The following ARAP2 variants were observed in gnomAD, a reference collection of about 807,000 sequenced individuals.
ARAP2 encodes the protein arf-GAP with Rho-GAP domain, ANK repeat and PH domain-containing protein 2.
In ARAP2, 148 loss-of-function variants were observed where a neutral mutation model predicts 194.5. That is an observed-to-expected ratio of 0.76 (90% CI 0.67 to 0.87). The LOEUF (loss-of-function observed/expected upper bound fraction) is 0.87. ARAP2 is among the 40% of genes least tolerant of loss of function. ARAP2 has a pLI of 0.00. For missense variants in ARAP2, 2,128 were observed against 1,989.7 expected (o/e 1.07, Z -1.32); for synonymous variants, 695 against 683.5 (o/e 1.02, Z -0.26).
At chr4:36,178,031 C>T in intron 8 of ARAP2, 26 bp from the exon 9 acceptor site, 3 of 1,553,956 alleles carry the variant, frequency 1.9e-6, no homozygotes, top group Non-Finnish European at 2.6e-6. Context: ...GGAGAAAATA[C>T]ATAAATCCAC....
intron 8 of ARAP2, among the ~76,000 whole-genome samples, chr4:36,186,255 CATATT>C (rs1740539542): frequency 6.6e-6 from 1 of 152,108 alleles, no homozygotes; most frequent in African/African-American, 2.4e-5. Flanking sequence ...ATAGTAATGA[CATATT>C]ATGATAGTCA....
intron 7 of ARAP2, among the ~76,000 whole-genome samples, chr4:36,191,729 G>T: frequency 6.6e-6 from 1 of 152,104 alleles, no homozygotes; most frequent in Middle Eastern, 3.4e-3. Context: ...TAACACACAG[G>T]TATCTAGGGC....
chr4:36,145,200 A>G (rs1275506907), intron 19 of ARAP2, among the ~76,000 whole-genome samples: 2 of 151,944 alleles, frequency 1.3e-5, no homozygotes, highest in African/African-American at 4.8e-5. Flanking sequence ...GGAAAAAAAA[A>G]TGGTTCTACC....
Position 36,050,752 on chromosome 4 carries a change from C to G in ARAP2, n.369+1254G>C, listed in dbSNP as rs73806432. On this transcript the variant is annotated intron_variant and non_coding_transcript_variant, in intron 3 of 12. Coordinates refer to the ARAP2 transcript ENST00000503225. ...ACTTTCATACAACTGAGTACCCCCA[C>G]AAAGTACTTGTTTGTTCAAATCTTC... 6.3e-3 allele frequency among the ~76,000 whole-genome samples: 958 copies of G among 152,306 alleles called. 11 individuals are homozygous for G. Among genetic ancestry groups the G allele is most frequent in the African/African-American group, 0.022 (896 of 41,564 alleles).
In ARAP2 at chr4:36,128,709, T is replaced by A. The variant is rs1724604327; in HGVS notation, c.3464A>T (p.Asp1155Val). ...GCKYIYQKNG[D>V]PLHISELLES... ...CAGGAGTTCACTTATATGCAAAGGA[T>A]CACCATTCTTTTGATAGATATATTT... Residue 1155 changes from aspartate (D) to valine (V), a missense_variant, in exon 21 of 33, where the codon GAT (aspartate) becomes GTT (valine). Coordinates refer to ENST00000303965, the MANE Select transcript of ARAP2 (RefSeq NM_015230.4). The A allele has an allele frequency of 6.2e-7, 1 of 1,612,234 alleles. No individual in the cohort carries two copies. The highest frequency in any genetic ancestry group is 8.5e-7 in the Non-Finnish European group (1 of 1,179,124).
At chr4:36,098,398 C>T (rs540590272) in intron 27 of ARAP2, among the ~76,000 whole-genome samples, 7 of 152,084 alleles carry the variant, frequency 4.6e-5, no homozygotes, top group African/African-American at 1.7e-4. Context: ...CATGTCCTAC[C>T]TTTCTAATGG....
At chr4:36,194,054 A>G (rs1248466948) in intron 6 of ARAP2, among the ~76,000 whole-genome samples, 2 of 152,242 alleles carry the variant, frequency 1.3e-5, no homozygotes, top group Non-Finnish European at 2.9e-5. Context: ...TAGGGCATAA[A>G]TATCTTACTA....
chr4:36,148,354 C>G (rs374593338), intron 17 of ARAP2, 51 bp downstream of exon 17: 6 of 1,392,452 alleles, frequency 4.3e-6, no homozygotes, highest in South Asian at 1.2e-5. Context: ...ACACAGACTC[C>G]CAGTTCACAA....
intron 15 of ARAP2, among the ~76,000 whole-genome samples, chr4:36,153,555 G>A (rs556433356): frequency 1.3e-5 from 2 of 152,314 alleles, no homozygotes; most frequent in Admixed American, 6.5e-5. Context: ...TAGTGGATTG[G>A]CAAGAGGGAT....
In ARAP2 at chr4:36,066,093, T is replaced by C. The variant is rs769257822; in HGVS notation, c.*1814A>G. The C allele has an allele frequency of 2.6e-5, 4 of 152,196 alleles. No individual in the cohort carries two copies. The highest frequency in any genetic ancestry group is 4.8e-5 in the African/African-American group (2 of 41,448). The allele number at this position is 152,196 out of a possible 1,614,324, so 9.4% of individuals were successfully genotyped here. A position where few individuals can be genotyped will look rare whatever the true frequency, so the allele number is the denominator to read the frequency against. On this transcript the variant is annotated 3_prime_UTR_variant, in exon 33 of 33. Coordinates refer to ENST00000303965, the MANE Select transcript of ARAP2 (RefSeq NM_015230.4). ...TCTCACACTTGAAAAATGGAGACAGTTGTTCAGAATAGAAAGGGAAACAGC... is the reference window on the plus strand; with the variant it reads ...TCTCACACTTGAAAAATGGAGACAGCTGTTCAGAATAGAAAGGGAAACAGC...
chr4:36,122,996 A>C (rs927276828), intron 22 of ARAP2, among the ~76,000 whole-genome samples: 4 of 151,856 alleles, frequency 2.6e-5, no homozygotes, highest in African/African-American at 4.8e-5. Context: ...GTTAATGTAG[A>C]GAATTCATAA....
chr4:36,121,588 T>C (rs1407823897), intron 22 of ARAP2, among the ~76,000 whole-genome samples: 1 of 151,764 alleles, frequency 6.6e-6, no homozygotes, highest in Non-Finnish European at 1.5e-5. Flanking sequence ...GGGCTGACCA[T>C]ATTCAAACAA....
At chr4:36,084,456 G>T (rs1477419154) in intron 28 of ARAP2, among the ~76,000 whole-genome samples, 3 of 152,026 alleles carry the variant, frequency 2.0e-5, no homozygotes, top group Non-Finnish European at 4.4e-5. Context: ...CAAATGAGCT[G>T]GGATTTTCTA....
At chr4:36,013,647 T>G (rs944548270) in intron 8 of ARAP2, among the ~76,000 whole-genome samples, 33 of 152,178 alleles carry the variant, frequency 2.2e-4, no homozygotes, top group Admixed American at 6.5e-5. Flanking sequence ...TGACAGATCA[T>G]AGCAGGAAAT....
At chr4:36,160,059 A>G (rs1733554840) in intron 13 of ARAP2, 1 of 973,022 alleles carries the variant, frequency 1.0e-6, no homozygotes, top group Non-Finnish European at 1.2e-6. Flanking sequence ...CTTATGTTAT[A>G]TATCATCTTT....
In ARAP2 at chr4:36,066,507, C is replaced by G. The variant is rs1725492222; in HGVS notation, c.*1400G>C. ...TAGCATCTACCACCACATCACTGTA[C>G]TATGATTGGACTGACTGAAGTATGG... On this transcript the variant is annotated 3_prime_UTR_variant, in exon 33 of 33. Transcript: ENST00000303965. 6.6e-6 allele frequency: 1 copy of G among 151,420 alleles called. No individual in the cohort carries two copies. The highest frequency in any genetic ancestry group is 1.5e-5 in the Non-Finnish European group (1 of 67,948). 9.4% of individuals were successfully genotyped at this position (151,420 alleles called of 1,614,324 possible).
At chr4:36,226,807 T>C (rs1396969619) in intron 2 of ARAP2, among the ~76,000 whole-genome samples, 1 of 152,148 alleles carries the variant, frequency 6.6e-6, no homozygotes, top group African/African-American at 2.4e-5. Context: ...TCATGAAAAT[T>C]AGCACAGACT....
At position 36,082,299 on chromosome 4, in the gene ARAP2, G is replaced by GA. The variant is rs112504692; in HGVS notation, c.4509-14dup. The GA allele has an allele frequency of 0.015, 22,607 of 1,543,068 alleles. 436 individuals carry two copies. Among genetic ancestry groups the GA allele is most frequent in the East Asian group, 0.11 (4,770 of 42,746 alleles). ...GGTCAATCCCCAGCTGCATCACATA[G>GA]AAAAAAAAACACACATAAATTAAAA... On this transcript the variant is annotated splice_polypyrimidine_tract_variant and intron_variant, in intron 29 of 32. Coordinates refer to ENST00000303965, the MANE Select transcript of ARAP2 (RefSeq NM_015230.4).
At chr4:36,130,731 A>T (rs1255769729) in intron 20 of ARAP2, among the ~76,000 whole-genome samples, 1 of 151,872 alleles carries the variant, frequency 6.6e-6, no homozygotes, top group East Asian at 1.9e-4. Flanking sequence ...TTTCTGTGAC[A>T]TATCTCTGTA....
Sources: gnomAD v4.1 joint callset for allele counts (sites outside exome capture counted in the v4.1 genomes callset) on GRCh38, gnomAD v4.1.1 for gene constraint, MANE v1.5 for transcripts, NCBI Gene and HGNC (gene_info 2026-07-23, HGNC 2026-07-21) for gene names.